BRCC3: variants seen among roughly 807,000 people sequenced by gnomAD.
BRCC3 encodes lys-63-specific deubiquitinase BRCC36.
A neutral mutation model predicts 28.0 loss-of-function variants in BRCC3; 15 were observed. The ratio of observed to expected loss-of-function variants is 0.54; its 90% CI spans 0.36 to 0.82. The LOEUF (loss-of-function observed/expected upper bound fraction) is 0.82, where lower values mean the gene tolerates loss of function less well. Ranked by LOEUF, BRCC3 falls within the 40% of genes least tolerant of loss-of-function variation. BRCC3 has a pLI of 0.01. For missense variants in BRCC3, 109 were observed against 225.9 expected, an observed-to-expected ratio of 0.48 and a Z score of 3.32; for synonymous variants, 66 against 80.3, an observed-to-expected ratio of 0.82 and a Z score of 0.95.
chrX:155,103,525 T>C (rs2074259310), intron 7 of BRCC3, among the ~76,000 whole-genome samples: 1 of 112,525 alleles, frequency 8.9e-6, no homozygotes, highest in African/African-American at 3.2e-5. Flanking sequence ...CTGACATTTT[T>C]ACCTTTGTCT....
intron 7 of BRCC3, among the ~76,000 whole-genome samples, chrX:155,110,540 C>G (rs782093841): frequency 1.3e-3 from 139 of 108,294 alleles, no homozygotes; most frequent in Middle Eastern, 4.7e-3. Context: ...TTTTTCATTC[C>G]TTACATTAGT....
At chrX:155,082,449 A>G (rs1415276879) in intron 5 of BRCC3, among the ~76,000 whole-genome samples, 1 of 112,435 alleles carries the variant, frequency 8.9e-6, no homozygotes, top group Admixed American at 9.4e-5. Context: ...ACACACACAA[A>G]GACTTTAAAA....
At chrX:155,079,687 G>A (rs782742292) in intron 5 of BRCC3, among the ~76,000 whole-genome samples, 28 of 110,982 alleles carry the variant, frequency 2.5e-4, no homozygotes, top group Non-Finnish European at 3.2e-4. Flanking sequence ...ATTGTTGAAC[G>A]CCCCTAGTTA....
chrX:155,084,111 A>G (rs980188588), intron 5 of BRCC3, among the ~76,000 whole-genome samples: 4 of 112,527 alleles, frequency 3.6e-5, no homozygotes, highest in African/African-American at 1.3e-4. Flanking sequence ...TACATCATAC[A>G]CACACTTAAC....
intron 7 of BRCC3, among the ~76,000 whole-genome samples, chrX:155,106,845 T>C (rs2074287994): frequency 8.9e-6 from 1 of 112,262 alleles, no homozygotes; most frequent in Non-Finnish European, 1.9e-5. Context: ...CTTTCTGTAA[T>C]GGGGTCAATT....
intron 7 of BRCC3, among the ~76,000 whole-genome samples, chrX:155,091,156 T>C (rs1417308191): frequency 8.9e-6 from 1 of 112,406 alleles, no homozygotes; most frequent in Non-Finnish European, 1.9e-5. Flanking sequence ...AATCAAAGAC[T>C]GAACATGCAG....
At chrX:155,083,457 C>T (rs1557294392) in intron 5 of BRCC3, among the ~76,000 whole-genome samples, 1 of 111,990 alleles carries the variant, frequency 8.9e-6, no homozygotes, top group African/African-American at 3.3e-5. Flanking sequence ...GCCTCTCTTC[C>T]CCTTTTCCCT....
chrX:155,108,221 A>C (rs2124297666), intron 7 of BRCC3, among the ~76,000 whole-genome samples: 1 of 112,118 alleles, frequency 8.9e-6, no homozygotes, highest in African/African-American at 3.2e-5. Context: ...AAAATACGGT[A>C]AGTACAACTT....
At chrX:155,091,127 C>G (rs1323843468) in intron 7 of BRCC3, among the ~76,000 whole-genome samples, 1 of 111,715 alleles carries the variant, frequency 9.0e-6, no homozygotes, top group Non-Finnish European at 1.9e-5. Flanking sequence ...GCTATTTTTC[C>G]TTTCTCTGGT....
intron 7 of BRCC3, among the ~76,000 whole-genome samples, chrX:155,108,421 A>C (rs192884182): frequency 2.7e-5 from 3 of 112,331 alleles, no homozygotes; most frequent in African/African-American, 9.7e-5. Context: ...TGCCCATGTG[A>C]ATGCATATCT....
At chrX:155,079,614 C>CT (rs1338573225) in intron 5 of BRCC3, among the ~76,000 whole-genome samples, 3 of 111,032 alleles carry the variant, frequency 2.7e-5, no homozygotes, top group Non-Finnish European at 3.8e-5. Context: ...CCAAATTAAT[C>CT]TTTCCTAGAC....
At chrX:155,102,598 G>A (rs1557296991) in intron 7 of BRCC3, among the ~76,000 whole-genome samples, 1 of 111,353 alleles carries the variant, frequency 9.0e-6, no homozygotes, top group Non-Finnish European at 1.9e-5. Context: ...TTATTGCGTT[G>A]TTAGAACCTC....
chrX:155,115,165 T>A (rs2074346373), intron 7 of BRCC3, among the ~76,000 whole-genome samples: 1 of 112,086 alleles, frequency 8.9e-6, no homozygotes, highest in Admixed American at 9.4e-5. Flanking sequence ...AGAATTAATC[T>A]GGAGAATTCA....
intron 7 of BRCC3, chrX:155,099,504 T>C: frequency 9.8e-7 from 1 of 1,020,193 alleles, no homozygotes. Context: ...CTCAGTCAAG[T>C]GGCCATACCT....
chrX:155,078,058 TA>T (rs1217087288), intron 4 of BRCC3, among the ~76,000 whole-genome samples: 3 of 112,370 alleles, frequency 2.7e-5, no homozygotes, highest in Non-Finnish European at 5.6e-5. Context: ...GGCACTATGC[TA>T]AACACCGTGT....
At chrX:155,073,309 T>G (rs950708709) in intron 2 of BRCC3, 68 bp from the exon 3 acceptor site, 2 of 1,088,276 alleles carry the variant, frequency 1.8e-6, no homozygotes, top group Non-Finnish European at 2.5e-6. Flanking sequence ...ATCCTGTTAT[T>G]TTGCTTTAAT....
chrX:155,081,427 C>T (rs1484660471), intron 5 of BRCC3, among the ~76,000 whole-genome samples: 2 of 109,189 alleles, frequency 1.8e-5, no homozygotes, highest in Non-Finnish European at 3.8e-5. Context: ...CATCTCCAAA[C>T]AGCCTTTTAA....
At chrX:155,085,559 C>G (rs2074117603) in intron 5 of BRCC3, among the ~76,000 whole-genome samples, 1 of 112,482 alleles carries the variant, frequency 8.9e-6, no homozygotes, top group Non-Finnish European at 1.9e-5. Context: ...CTCTCGTGTA[C>G]CAGGCCTGAG....
At chrX:155,094,749 C>T (rs1432723945) in intron 7 of BRCC3, among the ~76,000 whole-genome samples, 1 of 111,765 alleles carries the variant, frequency 8.9e-6, no homozygotes, top group Non-Finnish European at 1.9e-5. Context: ...CAGAAGGCTG[C>T]GGAAAATTGA....
Sources: gnomAD v4.1 joint callset for allele counts (sites outside exome capture counted in the v4.1 genomes callset) on GRCh38, gnomAD v4.1.1 for gene constraint, MANE v1.5 for transcripts, NCBI Gene and HGNC (gene_info 2026-07-23, HGNC 2026-07-21) for gene names.